Variants in ITPRID1 observed in about 807,000 individuals in gnomAD.
ITPRID1 encodes protein ITPRID1.
A neutral mutation model predicts 95.4 loss-of-function variants in ITPRID1; 96 were observed. The ratio of observed to expected loss-of-function variants is 1.01; its 90% CI spans 0.85 to 1.19. The LOEUF (loss-of-function observed/expected upper bound fraction) is 1.19. ITPRID1 is among the 50% of genes most tolerant of loss of function. ITPRID1 has a pLI of 0.00. For missense variants in ITPRID1, 1,339 were observed against 1,252.9 expected (o/e 1.07, Z -1.04); for synonymous variants, 510 against 453.6 (o/e 1.12, Z -1.58).
intron 12 of ITPRID1, among the ~76,000 whole-genome samples, chr7:31,646,721 G>A (rs1790499049): frequency 6.6e-6 from 1 of 152,130 alleles, no homozygotes; most frequent in Admixed American, 6.5e-5. Flanking sequence ...AAAACAGGGA[G>A]GTTTTGTGGC....
intron 1 of ITPRID1, chr7:31,529,972 G>C (rs1783543738): frequency 1.6e-6 from 1 of 625,178 alleles, no homozygotes; most frequent in Admixed American, 2.8e-5. Context: ...TGTGTGACTG[G>C]GTGATTCCTA....
At chr7:31,532,646 T>G (rs537897572) in intron 1 of ITPRID1, among the ~76,000 whole-genome samples, 2 of 152,362 alleles carry the variant, frequency 1.3e-5, no homozygotes, top group Admixed American at 1.3e-4. Flanking sequence ...TGATGAATTT[T>G]GTTCATTGAT....
chr7:31,531,444 C>G (rs10276353), intron 1 of ITPRID1, among the ~76,000 whole-genome samples: 88,770 of 151,928 alleles, frequency 0.58, 26,992 homozygotes, highest in Middle Eastern at 0.72. Context: ...TCGTTGTTAT[C>G]GTTTCTTTCT....
At chr7:31,532,971 T>A (rs1259194763) in intron 1 of ITPRID1, among the ~76,000 whole-genome samples, 1 of 152,242 alleles carries the variant, frequency 6.6e-6, no homozygotes, top group Non-Finnish European at 1.5e-5. Context: ...TACTGGTCTA[T>A]AATTTGTTTT....
In ITPRID1 at chr7:31,655,860, G is replaced by A. The variant is rs746755958; in HGVS notation, c.*3031G>A. ...TTCTTCCTTGCTCCTTCCCTGTAAC[G>A]CCTACGGAATGAAGAGGAACACCTG... On this transcript the variant is annotated 3_prime_UTR_variant, in exon 15 of 15. Transcript: ENST00000615280. 295 of 985,412 alleles carry A rather than the reference G, an allele frequency of 3.0e-4. No individual in the cohort carries two copies. The highest frequency in any genetic ancestry group is 6.8e-4 in the East Asian group (6 of 8,798). The allele number at this position is 985,412 out of a possible 1,614,324, so 61.0% of individuals were successfully genotyped here. A position where few individuals can be genotyped will look rare whatever the true frequency, so the allele number is the denominator to read the frequency against.
At chr7:31,585,361 G>C (rs1785551883) in intron 10 of ITPRID1, among the ~76,000 whole-genome samples, 2 of 151,988 alleles carry the variant, frequency 1.3e-5, no homozygotes, top group Admixed American at 1.3e-4. Flanking sequence ...AATTGAATTT[G>C]AACAAATTGA....
At chr7:31,528,481 G>A (rs1783493366) in intron 1 of ITPRID1, among the ~76,000 whole-genome samples, 1 of 152,152 alleles carries the variant, frequency 6.6e-6, no homozygotes, top group Non-Finnish European at 1.5e-5. Context: ...GGCTGAGTAG[G>A]CAGTACATGC....
intron 5 of ITPRID1, 21 bp from the exon 6 acceptor site, chr7:31,569,737 C>A (rs551778968): frequency 6.4e-6 from 10 of 1,564,304 alleles, no homozygotes; most frequent in Admixed American, 5.8e-5. Flanking sequence ...AAGTTCCCCT[C>A]TACTTTTTTT....
intron 7 of ITPRID1, among the ~76,000 whole-genome samples, chr7:31,572,457 GACAT>G (rs1489184209): frequency 6.6e-6 from 1 of 152,084 alleles, no homozygotes; most frequent in Non-Finnish European, 1.5e-5. Flanking sequence ...AGCATAGTCA[GACAT>G]ACACATATTG....
intron 12 of ITPRID1, among the ~76,000 whole-genome samples, chr7:31,647,660 A>G (rs1790594390): frequency 8.2e-6 from 1 of 122,038 alleles, no homozygotes; most frequent in African/African-American, 3.2e-5. Flanking sequence ...AGCAACAGAG[A>G]GAGTCTCCGT....
intron 1 of ITPRID1, among the ~76,000 whole-genome samples, chr7:31,514,456 CA>C (rs1782987923): frequency 6.6e-6 from 1 of 152,036 alleles, no homozygotes; most frequent in African/African-American, 2.4e-5. Context: ...GAGTATTGGC[CA>C]TTTCCTGGAT....
chr7:31,519,620 C>CTCTCTCTCTATATATATATATATATATA, intron 1 of ITPRID1, among the ~76,000 whole-genome samples: 1 of 25,268 alleles, frequency 4.0e-5, no homozygotes, highest in East Asian at 3.0e-3. Context: ...CTCTCTCTCT[C>CTCTCTCTCTATATATATATATATATATA]TATATATATA....
chr7:31,596,372 T>C (rs1042932165), intron 10 of ITPRID1, among the ~76,000 whole-genome samples: 1 of 126,776 alleles, frequency 7.9e-6, no homozygotes, highest in Non-Finnish European at 1.6e-5. Flanking sequence ...TTTTAGATTT[T>C]AGAGAAACCT....
intron 10 of ITPRID1, among the ~76,000 whole-genome samples, chr7:31,625,850 A>G (rs1482146729): frequency 6.6e-6 from 1 of 151,988 alleles, no homozygotes; most frequent in Admixed American, 6.6e-5. Context: ...TTATAAAGCT[A>G]TTTTATAAAT....
At chr7:31,538,769 A>G (rs1783840555) in intron 1 of ITPRID1, among the ~76,000 whole-genome samples, 1 of 152,168 alleles carries the variant, frequency 6.6e-6, no homozygotes, top group Non-Finnish European at 1.5e-5. Context: ...CTGAGATGTG[A>G]ATATTGATCA....
intron 1 of ITPRID1, among the ~76,000 whole-genome samples, chr7:31,519,620 C>CTCTCTCTCTCTCTCTCTCTA: frequency 2.0e-4 from 5 of 25,262 alleles, no homozygotes; most frequent in Non-Finnish European, 3.6e-4. Context: ...CTCTCTCTCT[C>CTCTCTCTCTCTCTCTCTCTA]TATATATATA....
intron 1 of ITPRID1, among the ~76,000 whole-genome samples, chr7:31,526,300 G>A (rs1377029530): frequency 6.6e-6 from 1 of 152,202 alleles, no homozygotes; most frequent in African/African-American, 2.4e-5. Flanking sequence ...TTCAACTTAT[G>A]ATGGGTTTAT....
intron 1 of ITPRID1, among the ~76,000 whole-genome samples, chr7:31,547,321 T>C (rs2128134855): frequency 6.6e-6 from 1 of 152,320 alleles, no homozygotes; most frequent in East Asian, 1.9e-4. Flanking sequence ...CTGGGTAATT[T>C]ATAAAGGAAA....
intron 10 of ITPRID1, among the ~76,000 whole-genome samples, chr7:31,606,773 T>C (rs1786644343): frequency 6.6e-6 from 1 of 152,210 alleles, no homozygotes; most frequent in African/African-American, 2.4e-5. Context: ...AACCAAGGTA[T>C]TTCCAGCAAA....
Sources: allele counts gnomAD v4.1 joint callset (sites outside exome capture counted in the v4.1 genomes callset), GRCh38; gene constraint gnomAD v4.1.1; transcripts MANE v1.5; gene names NCBI Gene and HGNC (gene_info 2026-07-23, HGNC 2026-07-21).